The following TYW1B variants were observed in gnomAD, a reference collection of about 807,000 sequenced individuals.
TYW1B encodes the protein tRNA-yW synthesizing protein 1 homolog B.
In TYW1B, 73 loss-of-function variants were observed where a neutral mutation model predicts 86.9. The ratio of observed to expected loss-of-function variants is 0.84; its 90% CI spans 0.70 to 1.02. TYW1B has a LOEUF of 1.02. Among genes scored for constraint, TYW1B ranks in the 50% least tolerant of loss-of-function variants. TYW1B has a pLI of 0.00. For synonymous variants in TYW1B, 248 were observed against 292.8 expected, an observed-to-expected ratio of 0.85 and a Z score of 1.56; for missense variants, 637 against 827.4, an observed-to-expected ratio of 0.77 and a Z score of 2.82.
At chr7:72,767,371 C>A (rs1554468701) in intron 7 of TYW1B, among the ~76,000 whole-genome samples, 4 of 152,030 alleles carry the variant, frequency 2.6e-5, no homozygotes, top group Non-Finnish European at 5.9e-5. Context: ...CTTTGGGAGA[C>A]CAAGATAGGT....
intron 11 of TYW1B, among the ~76,000 whole-genome samples, chr7:72,652,132 C>T (rs1204643469): frequency 6.6e-6 from 1 of 152,066 alleles, no homozygotes; most frequent in Non-Finnish European, 1.5e-5. Flanking sequence ...AATCCCAGCA[C>T]TTTGGGAGGC....
At chr7:72,808,384 G>A (rs551099058) in intron 4 of TYW1B, among the ~76,000 whole-genome samples, 1 of 152,048 alleles carries the variant, frequency 6.6e-6, no homozygotes, top group Non-Finnish European at 1.5e-5. Context: ...CAGGGAGGTC[G>A]AGGCTGCAGC....
intron 11 of TYW1B, among the ~76,000 whole-genome samples, chr7:72,670,320 T>C (rs1414029908): frequency 6.6e-6 from 1 of 152,072 alleles, no homozygotes; most frequent in Non-Finnish European, 1.5e-5. Context: ...GCCTCCCGAG[T>C]AGCTGGGATT....
intron 7 of TYW1B, among the ~76,000 whole-genome samples, chr7:72,767,908 C>A (rs1787799275): frequency 6.6e-6 from 1 of 152,072 alleles, no homozygotes; most frequent in Non-Finnish European, 1.5e-5. Flanking sequence ...TCACACCATT[C>A]ATAAAAATTA....
chr7:72,602,886 A>ACACACACACACACAC (rs1585839572), intron 13 of TYW1B, among the ~76,000 whole-genome samples: 6 of 139,556 alleles, frequency 4.3e-5, no homozygotes, highest in South Asian at 2.3e-4. Context: ...ACACACACAC[A>ACACACACACACACAC]ATGTTGATGG....
chr7:72,819,973 C>G (rs1382309935), intron 2 of TYW1B, among the ~76,000 whole-genome samples: 20 of 151,952 alleles, frequency 1.3e-4, no homozygotes, highest in Admixed American at 2.6e-4. Context: ...ATTGAGCATT[C>G]TTAAAGAAAA....
chr7:72,743,337 C>G (rs1299870551), intron 8 of TYW1B, among the ~76,000 whole-genome samples: 1 of 152,178 alleles, frequency 6.6e-6, no homozygotes, highest in Non-Finnish European at 1.5e-5. Context: ...CTAGAAGAGA[C>G]TGGTATCTCT....
At chr7:72,591,978 A>G (rs1811405941) in intron 13 of TYW1B, among the ~76,000 whole-genome samples, 2 of 151,678 alleles carry the variant, frequency 1.3e-5, no homozygotes, top group South Asian at 2.1e-4. Flanking sequence ...CGCCCGCCAC[A>G]ATGCCTGGAC....
chr7:72,608,117 TG>T (rs1225475045), intron 13 of TYW1B, among the ~76,000 whole-genome samples: 3 of 152,180 alleles, frequency 2.0e-5, no homozygotes, highest in Non-Finnish European at 2.9e-5. Flanking sequence ...ACCAAGACAG[TG>T]GCAGATGAAG....
chr7:72,764,428 G>A (rs1252974824), intron 7 of TYW1B, among the ~76,000 whole-genome samples: 5 of 152,030 alleles, frequency 3.3e-5, no homozygotes, highest in Admixed American at 1.3e-4. Context: ...GACTACAGGC[G>A]CCCGCCACCA....
chr7:72,821,598 C>T (rs1383460178), intron 2 of TYW1B, among the ~76,000 whole-genome samples: 2 of 152,176 alleles, frequency 1.3e-5, no homozygotes, highest in Non-Finnish European at 1.5e-5. Flanking sequence ...TGGAGAGCCT[C>T]TCTATGGTAT....
intron 7 of TYW1B, among the ~76,000 whole-genome samples, chr7:72,745,240 T>C (rs1787374759): frequency 6.6e-6 from 1 of 152,134 alleles, no homozygotes; most frequent in Non-Finnish European, 1.5e-5. Flanking sequence ...CCCAGGCTGG[T>C]CTTGAACTCC....
intron 11 of TYW1B, among the ~76,000 whole-genome samples, chr7:72,687,810 T>G (rs1466672789): frequency 6.6e-6 from 1 of 151,972 alleles, no homozygotes; most frequent in Non-Finnish European, 1.5e-5. Context: ...AATCCCAGCA[T>G]TTTGGGAGGC....
At chr7:72,587,648 T>C (rs1811304166) in intron 13 of TYW1B, among the ~76,000 whole-genome samples, 1 of 152,078 alleles carries the variant, frequency 6.6e-6, no homozygotes, top group Non-Finnish European at 1.5e-5. Flanking sequence ...TAGGGGCAGT[T>C]TAGGGAGGGT....
At position 72,732,851 on chromosome 7, in the gene TYW1B, C is replaced by T. The variant is rs1410420592; in HGVS notation, c.1083-3920G>A. On this transcript the variant is annotated intron_variant, in intron 8 of 13. Transcript: ENST00000620995. ...TTTTAAAAAGATAAACATCGACAAA[C>T]CATTAAACTAACCAAGAAAAAAAAA... is the stretch of plus-strand genomic sequence containing the variant. 2.6e-5 allele frequency among the ~76,000 whole-genome samples: 4 copies of T among 151,714 alleles called. No individual in the cohort carries two copies. In the East Asian group the frequency reaches 7.7e-4, roughly 29 times the overall value.
chr7:72,617,884 C>T (rs1812115736), intron 12 of TYW1B, among the ~76,000 whole-genome samples: 1 of 152,144 alleles, frequency 6.6e-6, no homozygotes, highest in Admixed American at 6.5e-5. Context: ...CCAAGGCACA[C>T]AAGACCCCAG....
intron 9 of TYW1B, among the ~76,000 whole-genome samples, chr7:72,720,404 C>A (rs1786873483): frequency 6.6e-6 from 1 of 152,144 alleles, no homozygotes; most frequent in African/African-American, 2.4e-5. Flanking sequence ...CCAAAGCCAT[C>A]CTTTCCAGAA....
At chr7:72,762,764 A>G (rs546946070) in intron 7 of TYW1B, among the ~76,000 whole-genome samples, 8 of 152,074 alleles carry the variant, frequency 5.3e-5, no homozygotes, top group Admixed American at 4.6e-4. Context: ...GGTTCAAGCA[A>G]TTCTCCTGCC....
chr7:72,653,608 A>AAAAATAAT (rs1251447476), intron 11 of TYW1B, among the ~76,000 whole-genome samples: 33 of 88,212 alleles, frequency 3.7e-4, no homozygotes, highest in African/African-American at 1.4e-3. Context: ...CTCCGTCTCA[A>AAAAATAAT]AAAATAATAA....
Sources: gnomAD v4.1 joint callset for allele counts (sites outside exome capture counted in the v4.1 genomes callset) on GRCh38, gnomAD v4.1.1 for gene constraint, MANE v1.5 for transcripts, NCBI Gene and HGNC (gene_info 2026-07-23, HGNC 2026-07-21) for gene names.